Variants in ANO3 observed in about 807,000 individuals in gnomAD.
The protein encoded by ANO3 is anoctamin 3, also known as anoctamin-3.
A neutral mutation model predicts 144.8 loss-of-function variants in ANO3; 99 were observed. That is an observed-to-expected ratio of 0.68 (90% confidence interval 0.58 to 0.81). The LOEUF (loss-of-function observed/expected upper bound fraction) is 0.81, where lower values mean the gene tolerates loss of function less well. Ranked by LOEUF, ANO3 falls within the 30% of genes least tolerant of loss-of-function variation. The pLI, the probability that ANO3 is intolerant of heterozygous loss-of-function variation, is 0.00. For missense variants in ANO3, 905 were observed against 1,202.2 expected, an observed-to-expected ratio of 0.75 and a Z score of 3.66; for synonymous variants, 414 against 392.6, an observed-to-expected ratio of 1.05 and a Z score of -0.64.
At position 26,391,609 on chromosome 11, in the gene ANO3, G is replaced by A. The variant is rs1856881500; in HGVS notation, c.47-50309G>A. 4.6e-5 allele frequency among the ~76,000 whole-genome samples: 7 copies of A among 152,124 alleles called. No individual in the cohort carries two copies. In the South Asian group the frequency reaches 1.5e-3, roughly 32 times the overall value. ...TTTGATACCAACCCTTTCTCTGTGG[G>A]AAGTGTTTTCACTGTTTTTTAAGAA... On this transcript the variant is annotated intron_variant, in intron 1 of 26. Coordinates refer to ENST00000256737, the MANE Select transcript of ANO3 (RefSeq NM_031418.4).
At chr11:26,656,983 A>C (rs185062385) in intron 26 of ANO3, among the ~76,000 whole-genome samples, 1 of 152,294 alleles carries the variant, frequency 6.6e-6, no homozygotes, top group Admixed American at 6.5e-5. Flanking sequence ...CCATACAATA[A>C]TATCTGATTG....
At chr11:26,348,402 A>G (rs1231653954) in intron 1 of ANO3, among the ~76,000 whole-genome samples, 1 of 152,190 alleles carries the variant, frequency 6.6e-6, no homozygotes, top group African/African-American at 2.4e-5. Context: ...CATTAATGCC[A>G]TGCTTATGGA....
chr11:26,486,775 T>C (rs1860468669), intron 4 of ANO3, among the ~76,000 whole-genome samples: 1 of 152,162 alleles, frequency 6.6e-6, no homozygotes, highest in Non-Finnish European at 1.5e-5. Flanking sequence ...GGGAAAAATA[T>C]TAGAGAAACT....
chr11:26,643,931 A>T (rs972566918), intron 23 of ANO3, among the ~76,000 whole-genome samples: 9 of 152,186 alleles, frequency 5.9e-5, no homozygotes, highest in African/African-American at 2.2e-4. Flanking sequence ...GCAAGGTGCC[A>T]TTTTGGAAGC....
intron 1 of ANO3, among the ~76,000 whole-genome samples, chr11:26,255,516 CAGATAGTACTACCTTT>C (rs1853037091): frequency 6.6e-6 from 1 of 152,082 alleles, no homozygotes; most frequent in South Asian, 2.1e-4. Context: ...CATACATTTT[CAGATAGTACTACCTTT>C]AATTTACCTT....
chr11:26,522,176 T>C (rs556047902), intron 6 of ANO3, among the ~76,000 whole-genome samples: 11 of 151,656 alleles, frequency 7.3e-5, no homozygotes, highest in Admixed American at 1.3e-4. Flanking sequence ...AGAGCGAGAC[T>C]CCATCTCAAA....
intron 1 of ANO3, among the ~76,000 whole-genome samples, chr11:26,422,981 C>T (rs1857797182): frequency 6.6e-6 from 1 of 151,806 alleles, no homozygotes; most frequent in Non-Finnish European, 1.5e-5. Flanking sequence ...GAAAAAGCAC[C>T]GCATTAAAGA....
chr11:26,276,791 T>C (rs1853569339), intron 1 of ANO3, among the ~76,000 whole-genome samples: 1 of 152,124 alleles, frequency 6.6e-6, no homozygotes, highest in Admixed American at 6.6e-5. Flanking sequence ...AATGATATCC[T>C]TCACCTCTCT....
Position 26,660,389 on chromosome 11 carries a change from A to C in ANO3, c.2891A>C (p.His964Pro), listed in dbSNP as rs779541748. ...ATGATGTATGAGGCTGAACTGGAAC[A>C]TTTGCAACAACAACGGAGAAAAAGT... Reference protein sequence around the residue: ...QEMMYEAELEHLQQQRRKSGQ... With the variant: ...QEMMYEAELEPLQQQRRKSGQ... The change falls in exon 27 of 27, where the codon CAT becomes CCT. Residue 964 changes from histidine to proline, a missense_variant. Physicochemically the swap from His to Pro is moderately conservative, Grantham distance 77. Transcript: ENST00000256737. The C allele has an allele frequency of 1.9e-6, 3 of 1,612,884 alleles. No homozygotes were observed. The highest frequency in any genetic ancestry group is 2.5e-6 in the Non-Finnish European group (3 of 1,179,430).
chr11:26,262,289 C>A (rs1470479597), intron 1 of ANO3, among the ~76,000 whole-genome samples: 1 of 152,032 alleles, frequency 6.6e-6, no homozygotes, highest in Non-Finnish European at 1.5e-5. Flanking sequence ...AGTAACCTAC[C>A]ATCCTGTCAA....
intron 1 of ANO3, among the ~76,000 whole-genome samples, chr11:26,439,838 C>T (rs925262593): frequency 1.3e-5 from 2 of 152,264 alleles, no homozygotes; most frequent in South Asian, 2.1e-4. Context: ...AGAGAAGAGA[C>T]TGGAATTTAA....
At chr11:26,300,107 A>C (rs923642988) in intron 1 of ANO3, among the ~76,000 whole-genome samples, 3 of 152,122 alleles carry the variant, frequency 2.0e-5, no homozygotes, top group Non-Finnish European at 4.4e-5. Flanking sequence ...AATTTGAGGA[A>C]GACCAGTCTG....
intron 1 of ANO3, among the ~76,000 whole-genome samples, chr11:26,260,831 C>T (rs80151205): frequency 0.02 from 3,011 of 152,022 alleles, 64 homozygotes; most frequent in East Asian, 0.12. Flanking sequence ...GGTAATTTTC[C>T]CTTTTGTTAA....
At chr11:26,377,639 GAA>G (rs1395362767) in intron 1 of ANO3, among the ~76,000 whole-genome samples, 1 of 152,118 alleles carries the variant, frequency 6.6e-6, no homozygotes, top group Non-Finnish European at 1.5e-5. Context: ...GAAGCTTACT[GAA>G]CTGTTGAAAG....
intron 1 of ANO3, among the ~76,000 whole-genome samples, chr11:26,258,124 T>G (rs1227505770): frequency 6.6e-6 from 1 of 152,160 alleles, no homozygotes; most frequent in Non-Finnish European, 1.5e-5. Flanking sequence ...TAATGTCAGA[T>G]TTCAGCAGAG....
chr11:26,490,690 A>G (rs935915299), intron 4 of ANO3, among the ~76,000 whole-genome samples: 1 of 152,232 alleles, frequency 6.6e-6, no homozygotes, highest in African/African-American at 2.4e-5. Context: ...CAACTCCATC[A>G]GATAGTCCAG....
intron 1 of ANO3, among the ~76,000 whole-genome samples, chr11:26,286,329 G>A (rs1205492114): frequency 6.6e-6 from 1 of 152,120 alleles, no homozygotes. Context: ...AAAGGCCTGG[G>A]GTTTGTCAAT....
chr11:26,442,104 C>T lies in ANO3; in HGVS notation c.233C>T (p.Ala78Val). 1 of 1,611,338 alleles carries T rather than the reference C, an allele frequency of 6.2e-7. No homozygotes were observed. The change falls in exon 2 of 27, where the codon GCA becomes GTA. Residue 78 changes from alanine to valine, a missense_variant. Physicochemically the swap from Ala to Val is moderately conservative, Grantham distance 64 (BLOSUM62 0). Coordinates refer to ENST00000256737, the MANE Select transcript of ANO3 (RefSeq NM_031418.4). ...TSITLISTDK[A>V]EQVNTEENKN... is the part of the protein sequence containing the mutation. ...ATAACCTTAATCTCCACTGACAAAGCAGAGCAAGGTGAGCAGCAATTCCTA... is the reference window on the plus strand; with the variant it reads ...ATAACCTTAATCTCCACTGACAAAGTAGAGCAAGGTGAGCAGCAATTCCTA...
chr11:26,343,458 G>A (rs1217455390), intron 1 of ANO3, among the ~76,000 whole-genome samples: 4 of 152,024 alleles, frequency 2.6e-5, no homozygotes, highest in Admixed American at 6.6e-5. Context: ...TATTTTGGGG[G>A]GTCCTCCATA....
Sources: gnomAD v4.1 joint callset for allele counts (sites outside exome capture counted in the v4.1 genomes callset) on GRCh38, gnomAD v4.1.1 for gene constraint, MANE v1.5 for transcripts, NCBI Gene and HGNC (gene_info 2026-07-23, HGNC 2026-07-21) for gene names.